Variants in UBE2U observed in about 807,000 individuals in gnomAD.
UBE2U encodes ubiquitin-conjugating enzyme E2 U.
UBE2U carries 39 observed loss-of-function variants against 41.2 expected under a neutral mutation model. The observed-to-expected ratio is 0.95, with a 90% CI of 0.73 to 1.24. The LOEUF is 1.24. UBE2U is among the 50% of genes most tolerant of loss of function. The pLI, the probability that UBE2U is intolerant of heterozygous loss-of-function variation, is 0.00. For missense variants in UBE2U, 336 were observed against 363.1 expected (o/e 0.93, Z 0.61); for synonymous variants, 107 against 117.8 (o/e 0.91, Z 0.60).
chr1:64,233,769 G>A (rs1430467283), intron 7 of UBE2U, among the ~76,000 whole-genome samples: 2 of 152,188 alleles, frequency 1.3e-5, no homozygotes, highest in Non-Finnish European at 2.9e-5. Context: ...TTCATTATCT[G>A]GATGAAAGTA....
Position 64,204,107 on chromosome 1 carries a change from C to G in UBE2U, c.57C>G (p.Asn19Lys), listed in dbSNP as rs1373613815. 1.6e-5 allele frequency: 26 copies of G among 1,613,508 alleles called. No homozygotes were observed. Among genetic ancestry groups the G allele is most frequent in the Non-Finnish European group, 2.1e-5 (25 of 1,179,786 alleles). The change falls in exon 1 of 10, where the codon AAC (asparagine) becomes AAG (lysine). Residue 19 changes from asparagine (N) to lysine (K), a missense_variant. Coordinates refer to ENST00000371077, the MANE Select transcript of UBE2U (RefSeq NM_001366232.2). Reference sequence around the variant, plus strand: ...GAGACTTCTGTGATCTCAAGGAGAACAATTATAAGGTAAGTACTGGGCACG... The same window carrying G: ...GAGACTTCTGTGATCTCAAGGAGAAGAATTATAAGGTAAGTACTGGGCACG... ...LHRDFCDLKE[N>K]NYKGITAKPV...
chr1:64,216,009 C>T (rs181718189), intron 5 of UBE2U, among the ~76,000 whole-genome samples: 1 of 152,170 alleles, frequency 6.6e-6, no homozygotes, highest in Admixed American at 6.5e-5. Flanking sequence ...AATCAACAGG[C>T]CTTGATTTCT....
intron 8 of UBE2U, among the ~76,000 whole-genome samples, chr1:64,248,115 A>G (rs1334976425): frequency 6.6e-6 from 1 of 152,162 alleles, no homozygotes; most frequent in Non-Finnish European, 1.5e-5. Context: ...AGTCACAAAT[A>G]CATATGATTT....
At chr1:64,266,548 C>T (rs932650878) in intron 9 of UBE2U, among the ~76,000 whole-genome samples, 4 of 152,172 alleles carry the variant, frequency 2.6e-5, no homozygotes, top group East Asian at 1.9e-4. Context: ...AGTGGAAGCG[C>T]GGGAGAATCC....
chr1:64,244,529 C>T (rs149335542), intron 8 of UBE2U, among the ~76,000 whole-genome samples: 1 of 152,206 alleles, frequency 6.6e-6, no homozygotes, highest in African/African-American at 2.4e-5. Context: ...GAAAACAACA[C>T]CTATCATAAC....
At chr1:64,256,912 A>G (rs1468211868) in intron 8 of UBE2U, among the ~76,000 whole-genome samples, 1 of 27,468 alleles carries the variant, frequency 3.6e-5, no homozygotes, top group African/African-American at 8.3e-5. Context: ...AATTTACAGG[A>G]AAAAAAAAAC....
At chr1:64,233,239 C>A (rs189012786) in intron 7 of UBE2U, among the ~76,000 whole-genome samples, 22 of 152,072 alleles carry the variant, frequency 1.4e-4, no homozygotes, top group Non-Finnish European at 2.2e-4. Flanking sequence ...GATCTCCTGA[C>A]CTCGTGATCC....
chr1:64,204,172 C>G, intron 1 of UBE2U, 56 bp downstream of exon 1: 1 of 1,525,982 alleles, frequency 6.6e-7, no homozygotes, highest in Non-Finnish European at 9.0e-7. Context: ...TTTTAAGAGG[C>G]AGTTTAACCC....
At chr1:64,216,300 C>T (rs956126415) in intron 5 of UBE2U, among the ~76,000 whole-genome samples, 2 of 152,216 alleles carry the variant, frequency 1.3e-5, no homozygotes, top group African/African-American at 4.8e-5. Flanking sequence ...GTTATATACT[C>T]ATTTTACCCT....
intron 6 of UBE2U, among the ~76,000 whole-genome samples, chr1:64,230,274 T>C (rs753592900): frequency 1.3e-5 from 2 of 152,200 alleles, no homozygotes; most frequent in Non-Finnish European, 2.9e-5. Flanking sequence ...GCTTATTACT[T>C]TCAAGGAAAA....
chr1:64,256,733 CA>C (rs1327531615), intron 8 of UBE2U, among the ~76,000 whole-genome samples: 1 of 151,988 alleles, frequency 6.6e-6, no homozygotes, highest in Non-Finnish European at 1.5e-5. Context: ...ATGAAAATGC[CA>C]AAAGCAATTG....
intron 5 of UBE2U, among the ~76,000 whole-genome samples, chr1:64,218,263 G>A (rs1351900401): frequency 6.6e-6 from 1 of 152,130 alleles, no homozygotes; most frequent in Non-Finnish European, 1.5e-5. Flanking sequence ...AATGTCATAA[G>A]ATACTAAAAA....
intron 2 of UBE2U, among the ~76,000 whole-genome samples, 168 bp downstream of exon 2, chr1:64,205,888 AT>A (rs553043676): frequency 2.2e-5 from 3 of 134,984 alleles, no homozygotes; most frequent in East Asian, 1.9e-4. Flanking sequence ...AAATATTCCC[AT>A]TTTTTTTATT....
chr1:64,240,078 G>A (rs903903888), intron 7 of UBE2U, among the ~76,000 whole-genome samples: 4 of 152,190 alleles, frequency 2.6e-5, no homozygotes, highest in African/African-American at 9.7e-5. Flanking sequence ...GAATTTGATT[G>A]AAGGTATAGG....
At chr1:64,259,401 C>T (rs1252517577) in intron 8 of UBE2U, among the ~76,000 whole-genome samples, 1 of 152,076 alleles carries the variant, frequency 6.6e-6, no homozygotes, top group Non-Finnish European at 1.5e-5. Flanking sequence ...CTTGCCCATG[C>T]CTATGTCCTG....
chr1:64,239,129 GA>G (rs767685167), intron 7 of UBE2U, among the ~76,000 whole-genome samples: 2 of 26,272 alleles, frequency 7.6e-5, no homozygotes, highest in Admixed American at 4.7e-4. Flanking sequence ...AGAAGAAGAA[GA>G]AGAAGAAGAA....
In UBE2U at chr1:64,219,705, C is replaced by T. The variant is rs867616997; in HGVS notation, c.458-1154C>T. ...CCACCTCCTGGGTTCACGCCATTCT[C>T]CTGCCTCAGCCTCCCAAGTAGCTGG... On this transcript the variant is annotated intron_variant, in intron 5 of 9. Transcript: ENST00000371077. Among the ~76,000 whole-genome samples the T allele has an allele frequency of 3.3e-5, 5 of 152,084 alleles. No individual in the cohort carries two copies. In the Middle Eastern group the frequency reaches 0.01, roughly 310 times the overall value.
chr1:64,223,064 AGTACTTAGAAT>A (rs1221769443), intron 6 of UBE2U, among the ~76,000 whole-genome samples: 3 of 152,162 alleles, frequency 2.0e-5, no homozygotes, highest in Admixed American at 6.5e-5. Flanking sequence ...GAGAACAGCT[AGTACTTAGAAT>A]GTACTTAGAA....
intron 5 of UBE2U, among the ~76,000 whole-genome samples, chr1:64,217,280 G>A (rs892061222): frequency 3.9e-5 from 6 of 152,136 alleles, no homozygotes; most frequent in Non-Finnish European, 7.4e-5. Context: ...AAGCTCTGGC[G>A]CCAAGAATTG....
Sources: allele counts gnomAD v4.1 joint callset (sites outside exome capture counted in the v4.1 genomes callset), GRCh38; gene constraint gnomAD v4.1.1; transcripts MANE v1.5; gene names NCBI Gene and HGNC (gene_info 2026-07-23, HGNC 2026-07-21).